Variants in GINM1 observed in about 807,000 individuals in gnomAD.
The protein encoded by GINM1 is glycosylated integral membrane protein 1.
Under a neutral mutation model 37.8 loss-of-function variants are expected in GINM1, and 29 were observed. The observed-to-expected ratio is 0.77, with a 90% CI of 0.57 to 1.05. The LOEUF (loss-of-function observed/expected upper bound fraction) is 1.05. GINM1 is among the 50% of genes least tolerant of loss of function. The pLI is 0.00. For missense variants in GINM1, 377 were observed against 397.9 expected, an observed-to-expected ratio of 0.95 and a Z score of 0.45; for synonymous variants, 143 against 146.2, an observed-to-expected ratio of 0.98 and a Z score of 0.16.
rs1171464657 is a variant in GINM1, at chr6:149,570,134, TTTTATATATATATATATATA to T, written c.121-2149_121-2130del. Among the ~76,000 whole-genome samples the T allele has an allele frequency of 2.0e-3, 192 of 96,128 alleles. 5 individuals carry two copies. The highest frequency in any genetic ancestry group is 8.0e-3 in the South Asian group (22 of 2,756). 63.1% of individuals were successfully genotyped at this position (96,128 alleles called of 152,430 possible). On this transcript the variant is annotated intron_variant, in intron 1 of 7. Transcript: ENST00000367419. ...AAACTCTGTAATTTTACTAGGTAGG[TTTTATATATATATATATATA>T]TATATATATATATATATATATATAT...
chr6:149,572,452 A>C (rs545662143), intron 2 of GINM1, 55 bp from the exon 3 acceptor site: 431 of 1,292,692 alleles, frequency 3.3e-4, no homozygotes, highest in Non-Finnish European at 4.5e-4. Context: ...TGACTTGAAG[A>C]GTTTGCTATT....
At chr6:149,574,680 G>C (rs1275065977) in intron 3 of GINM1, among the ~76,000 whole-genome samples, 2 of 152,052 alleles carry the variant, frequency 1.3e-5, no homozygotes, top group African/African-American at 4.8e-5. Context: ...ACTTCAGTCT[G>C]GGAGTTCGAG....
chr6:149,577,239 C>T (rs1777926705), intron 3 of GINM1: 1 of 152,268 alleles, frequency 6.6e-6, no homozygotes, highest in Non-Finnish European at 1.5e-5. Flanking sequence ...TTTTCTCACC[C>T]ATTGAGTCTC....
chr6:149,589,139 G>C (rs1778115994), intron 7 of GINM1, among the ~76,000 whole-genome samples: 1 of 151,596 alleles, frequency 6.6e-6, no homozygotes, highest in South Asian at 2.1e-4. Flanking sequence ...TGTAGAGACA[G>C]GGTCTCACTA....
Position 149,572,571 on chromosome 6 carries a change from G to T in GINM1, c.245G>T (p.Gly82Val), listed in dbSNP as rs1485430253. 1 of 1,604,120 alleles carries T rather than the reference G, an allele frequency of 6.2e-7. No homozygotes were observed. The highest frequency in any genetic ancestry group is 8.5e-7 in the Non-Finnish European group (1 of 1,171,754). ...GTAAATGACTTACCTGTAAATAGTG[G>T]TGTAACCCGAATAAGCTGTCAGACT... ...VYVNDLPVNS[G>V]VTRISCQTLI... Residue 82 changes from glycine to valine, a missense_variant, in exon 3 of 8, where the codon GGT (glycine) becomes GTT (valine). Transcript: ENST00000367419.
intron 6 of GINM1, 178 bp from the exon 7 acceptor site, chr6:149,582,257 CTAAAA>C (rs2115061144): frequency 1.6e-6 from 1 of 619,258 alleles, no homozygotes; most frequent in African/African-American, 1.9e-5. Context: ...GAGGTACATT[CTAAAA>C]TAAAATCACC....
At chr6:149,577,669 A>T (rs982022179) in intron 3 of GINM1, 1 of 152,220 alleles carries the variant, frequency 6.6e-6, no homozygotes, top group African/African-American at 2.4e-5. Context: ...AGACAAAGGA[A>T]GTAGCCCTAT....
chr6:149,588,615 CTTTT>C (rs1234746073), intron 7 of GINM1, among the ~76,000 whole-genome samples: 1 of 151,902 alleles, frequency 6.6e-6, no homozygotes, highest in African/African-American at 2.4e-5. Flanking sequence ...AATTATGGGG[CTTTT>C]TTTGTTTGTT....
intron 3 of GINM1, among the ~76,000 whole-genome samples, chr6:149,575,053 A>C (rs533795466): frequency 1.3e-5 from 2 of 152,118 alleles, no homozygotes; most frequent in South Asian, 4.1e-4. Flanking sequence ...GTAGTCCAAT[A>C]TTCATGTGTG....
At chr6:149,572,967 G>T (rs191221707) in intron 3 of GINM1, among the ~76,000 whole-genome samples, 3 of 152,222 alleles carry the variant, frequency 2.0e-5, no homozygotes, top group Admixed American at 1.3e-4. Flanking sequence ...TGCCTGGCCT[G>T]TTCTGTTTTT....
chr6:149,566,612 C>T lies in GINM1; in HGVS notation c.120+78C>T. On this transcript the variant is annotated intron_variant, in intron 1 of 7. Coordinates refer to ENST00000367419, the MANE Select transcript of GINM1 (RefSeq NM_138785.5). This position sits in a 1 kb window ranked among gnomAD's most constrained non-coding sequence, Gnocchi z 4.4. ...GCCCGGGCTGTCCACAGTGACGCTT[C>T]CCACATCCCACCGGCGGGCAGGGGC... 7.3e-7 allele frequency: 1 copy of T among 1,373,392 alleles called. No individual in the cohort carries two copies. The highest frequency in any genetic ancestry group is 9.4e-7 in the Non-Finnish European group (1 of 1,061,578). 85.1% of individuals were successfully genotyped at this position (1,373,392 alleles called of 1,614,324 possible).
chr6:149,572,526 A>G lies in GINM1; in HGVS notation c.200A>G (p.Tyr67Cys), dbSNP rs1777843687. Residue 67 changes from tyrosine to cysteine, a missense_variant, in exon 3 of 8, where the codon TAT (tyrosine) becomes TGT (cysteine). Transcript: ENST00000367419. ...TTTAAGGTTGTTCTTAACATAACCT[A>G]TGAGAGTGGACAGGTGTATGTAAAT... ...SKQQVVLNITYESGQVYVNDL... is the reference protein window; with the variant it reads ...SKQQVVLNITCESGQVYVNDL... 1 of 1,595,940 alleles carries G rather than the reference A, an allele frequency of 6.3e-7. No individual in the cohort carries two copies. Among genetic ancestry groups the G allele is most frequent in the South Asian group, 1.1e-5 (1 of 89,432 alleles).
At position 149,572,181 on chromosome 6, in the gene GINM1, T is replaced by C. The variant is rs1200055135; in HGVS notation, c.121-104T>C. 4.8e-6 allele frequency: 3 copies of C among 622,470 alleles called. No individual in the cohort carries two copies. The African/African-American group carries it at 5.6e-5, about 12-fold the overall frequency. 38.6% of individuals were successfully genotyped at this position (622,470 alleles called of 1,614,324 possible). On this transcript the variant is annotated intron_variant, in intron 1 of 7. Coordinates refer to ENST00000367419, the MANE Select transcript of GINM1 (RefSeq NM_138785.5). ...CTTTTAAACTCTCTTAATGCTGTTA[T>C]AAGTGATTGTACAATAGATACAATT...
intron 3 of GINM1, among the ~76,000 whole-genome samples, chr6:149,578,492 C>T (rs1562271827): frequency 7.2e-6 from 1 of 138,466 alleles, no homozygotes; most frequent in African/African-American, 2.8e-5. Flanking sequence ...CACCACTGCA[C>T]TCCAGCCTGG....
At chr6:149,580,013 A>G (rs1753808580) in intron 5 of GINM1, 23 bp downstream of exon 5, 1 of 1,456,748 alleles carries the variant, frequency 6.9e-7, no homozygotes, top group Non-Finnish European at 9.5e-7. Context: ...ACCATTATTT[A>G]AAGTATTAAG....
intron 1 of GINM1, among the ~76,000 whole-genome samples, chr6:149,568,854 A>G (rs1415543584): frequency 6.6e-6 from 1 of 151,990 alleles, no homozygotes; most frequent in Non-Finnish European, 1.5e-5. Context: ...TTGAGACGGA[A>G]TATCTCGCTC....
chr6:149,569,369 C>T (rs1438284971), intron 1 of GINM1, among the ~76,000 whole-genome samples: 2 of 144,664 alleles, frequency 1.4e-5, no homozygotes, highest in Non-Finnish European at 3.0e-5. Context: ...TGAAGTCTCG[C>T]TCTGTCCCCC....
intron 7 of GINM1, among the ~76,000 whole-genome samples, chr6:149,583,441 C>T (rs993691989): frequency 2.0e-5 from 3 of 151,350 alleles, no homozygotes; most frequent in Non-Finnish European, 2.9e-5. Context: ...CCAGTCTGGG[C>T]GACAGAGTGA....
At chr6:149,567,947 T>C (rs575386220) in intron 1 of GINM1, among the ~76,000 whole-genome samples, 26 of 152,394 alleles carry the variant, frequency 1.7e-4, no homozygotes, top group African/African-American at 6.0e-4. Flanking sequence ...TTGACACCTA[T>C]GTGTCAATGA....
Sources: allele counts gnomAD v4.1 joint callset (sites outside exome capture counted in the v4.1 genomes callset), GRCh38; gene constraint gnomAD v4.1.1; non-coding constraint Gnocchi (gnomAD v3.1); transcripts MANE v1.5; gene names NCBI Gene and HGNC (gene_info 2026-07-23, HGNC 2026-07-21).